The following GALK2 variants were observed in gnomAD, a reference collection of about 807,000 sequenced individuals.
GALK2 encodes galactokinase 2.
A neutral mutation model predicts 52.4 loss-of-function variants in GALK2; 36 were observed. That is an observed-to-expected ratio of 0.69 (90% CI 0.53 to 0.91). GALK2 has a LOEUF of 0.91. Ranked by LOEUF, GALK2 falls within the 40% of genes least tolerant of loss-of-function variation. The pLI is 0.00. For synonymous variants in GALK2, 176 were observed against 199.1 expected (o/e 0.88, Z 0.98); for missense variants, 579 against 559.1 (o/e 1.04, Z -0.36).
intron 3 of GALK2, among the ~76,000 whole-genome samples, chr15:49,224,785 C>G (rs2090034875): frequency 2.0e-5 from 3 of 151,794 alleles, no homozygotes; most frequent in African/African-American, 7.3e-5. Flanking sequence ...CAATTTTTTT[C>G]CTTTTACTTT....
At chr15:49,235,973 T>G in intron 4 of GALK2, 32 bp downstream of exon 4, 1 of 1,227,410 alleles carries the variant, frequency 8.1e-7, no homozygotes, top group Non-Finnish European at 1.2e-6. Context: ...TTACTACCAG[T>G]TGAGATTATC....
chr15:49,243,211 C>G (rs2091184527), intron 5 of GALK2, among the ~76,000 whole-genome samples: 1 of 152,144 alleles, frequency 6.6e-6, no homozygotes, highest in Non-Finnish European at 1.5e-5. Context: ...TTCCCCCTAT[C>G]TTTGCAGGAG....
chr15:49,167,336 A>T (rs2084854483), upstream of GALK2, among the ~76,000 whole-genome samples: 1 of 152,312 alleles, frequency 6.6e-6, no homozygotes, highest in Non-Finnish European at 1.5e-5. Context: ...AAAATACTGT[A>T]AAATATAAAT....
chr15:49,318,122 T>C (rs1373416992), intron 8 of GALK2: 1 of 152,180 alleles, frequency 6.6e-6, no homozygotes, highest in African/African-American at 2.4e-5. Context: ...CCTGGGAATT[T>C]TCATAAATTT....
rs146900421 is a variant in GALK2 at position 49,326,707 on chromosome 15, TAGG to T, written c.1170-1239_1170-1237del. ...GGCCATAAATTGAATGTTAAAGGGA[TAGG>T]AGGAGATCAGTGATGTTTATTTGTT... On this transcript the variant is annotated intron_variant, in intron 9 of 9. Coordinates refer to ENST00000560031, the MANE Select transcript of GALK2 (RefSeq NM_002044.4). Among the ~76,000 whole-genome samples the T allele has an allele frequency of 2.0e-5, 3 of 152,310 alleles. No homozygotes were observed. The East Asian group carries it at 5.8e-4, about 29-fold the overall frequency.
intron 1 of GALK2, among the ~76,000 whole-genome samples, chr15:49,176,186 A>G (rs556121299): frequency 2.0e-5 from 3 of 152,384 alleles, no homozygotes; most frequent in Admixed American, 6.5e-5. Context: ...CCAGGGGGCA[A>G]TCATTTAAAG....
chr15:49,169,248 A>G (rs900808513), upstream of GALK2: 21 of 152,184 alleles, frequency 1.4e-4, no homozygotes, highest in African/African-American at 4.6e-4. Flanking sequence ...TGTGTTGGGC[A>G]TGTTGGCTCA....
chr15:49,159,401 C>A (rs1023365327), intron 1 of GALK2, among the ~76,000 whole-genome samples: 4 of 151,826 alleles, frequency 2.6e-5, no homozygotes, highest in Non-Finnish European at 5.9e-5. Context: ...CATGGCAAAA[C>A]CCTGTCTCTG....
At position 49,235,885 on chromosome 15, in the gene GALK2, G is replaced by A. The variant is rs751661500; in HGVS notation, c.301G>A (p.Asp101Asn). ...TACTAGTGCTAATAACATCCAGATT[G>A]ATAAAACCAAGCCTTTGTGGCACAA... Reference protein sequence around the residue: ...FSTSANNIQIDKTKPLWHNYF... With the variant: ...FSTSANNIQINKTKPLWHNYF... The change falls in exon 4 of 10, where the codon GAT becomes AAT. Residue 101 changes from aspartate to asparagine, a missense_variant. Coordinates refer to ENST00000560031, the MANE Select transcript of GALK2 (RefSeq NM_002044.4). 5 of 1,613,724 alleles carry A rather than the reference G, an allele frequency of 3.1e-6. No homozygotes were observed. In the East Asian group the frequency reaches 1.1e-4, roughly 36 times the overall value.
intron 8 of GALK2, among the ~76,000 whole-genome samples, chr15:49,303,089 T>C (rs2035247935): frequency 1.3e-5 from 2 of 152,170 alleles, no homozygotes; most frequent in Non-Finnish European, 2.9e-5. Flanking sequence ...TATTGACTTC[T>C]CAGTTGTCTG....
chr15:49,283,379 G>T (rs958655363), intron 6 of GALK2, among the ~76,000 whole-genome samples, 187 bp from the exon 7 acceptor site: 1 of 152,186 alleles, frequency 6.6e-6, no homozygotes. Flanking sequence ...TCTATGAGAG[G>T]AATGACAGTG....
At chr15:49,274,133 T>A (rs1016297952) in intron 5 of GALK2, among the ~76,000 whole-genome samples, 1 of 152,156 alleles carries the variant, frequency 6.6e-6, no homozygotes, top group Non-Finnish European at 1.5e-5. Flanking sequence ...GATGCACAAT[T>A]ATGCATTGCT....
chr15:49,251,741 G>A (rs1403856016), intron 5 of GALK2, among the ~76,000 whole-genome samples: 2 of 152,102 alleles, frequency 1.3e-5, no homozygotes, highest in South Asian at 2.1e-4. Context: ...TGGTGGTTAC[G>A]AGGATGTTTC....
At chr15:49,345,557 G>A (rs1240471739) in intron 3 of GALK2, among the ~76,000 whole-genome samples, 2 of 152,150 alleles carry the variant, frequency 1.3e-5, no homozygotes, top group Non-Finnish European at 2.9e-5. Context: ...ATGAACAATG[G>A]TTATATTCTA....
At chr15:49,180,510 A>G (rs34748066) in intron 1 of GALK2, among the ~76,000 whole-genome samples, 38,155 of 152,104 alleles carry the variant, frequency 0.25, 5,960 homozygotes, top group Non-Finnish European at 0.35. Context: ...CTTTATTTCT[A>G]CAATCCGAAT....
chr15:49,348,805 A>G (rs569028627), intron 3 of GALK2, among the ~76,000 whole-genome samples: 2 of 152,346 alleles, frequency 1.3e-5, no homozygotes, highest in Non-Finnish European at 1.5e-5. Flanking sequence ...TATAGCAAGA[A>G]GGCTTTTACC....
intron 9 of GALK2, chr15:49,327,652 TG>T (rs1011887203): frequency 4.7e-6 from 1 of 214,428 alleles, no homozygotes; most frequent in African/African-American, 2.3e-5. Flanking sequence ...ACTCTTCAAG[TG>T]GCTACTTTAT....
chr15:49,323,605 G>A (rs528211663), intron 9 of GALK2, among the ~76,000 whole-genome samples: 1 of 152,246 alleles, frequency 6.6e-6, no homozygotes, highest in Admixed American at 6.5e-5. Context: ...GAATACCTAA[G>A]TTGCTATACA....
chr15:49,222,661 T>A (rs2089884490), intron 3 of GALK2, among the ~76,000 whole-genome samples: 1 of 152,252 alleles, frequency 6.6e-6, no homozygotes, highest in African/African-American at 2.4e-5. Flanking sequence ...ATGTGGTTTC[T>A]GTCCTTTATT....
Sources: allele counts gnomAD v4.1 joint callset (sites outside exome capture counted in the v4.1 genomes callset), GRCh38; gene constraint gnomAD v4.1.1; transcripts MANE v1.5; gene names NCBI Gene and HGNC (gene_info 2026-07-23, HGNC 2026-07-21).